The following CDH2 variants were observed in gnomAD, a reference collection of about 807,000 sequenced individuals.
CDH2 encodes cadherin-2.
CDH2 carries 17 observed loss-of-function variants against 92.0 expected under a neutral mutation model. That is an observed-to-expected ratio of 0.18 (90% CI 0.13 to 0.28). CDH2 has a LOEUF of 0.28. Ranked by LOEUF, CDH2 falls within the 10% of genes least tolerant of loss-of-function variation. CDH2 has a pLI of 1.00. For missense variants in CDH2, 862 were observed against 1,133.1 expected (o/e 0.76, Z 3.44); for synonymous variants, 419 against 415.9 (o/e 1.01, Z -0.09).
intron 7 of CDH2, among the ~76,000 whole-genome samples, chr18:27,997,827 G>C (rs1330190335): frequency 6.6e-6 from 1 of 151,098 alleles, no homozygotes; most frequent in African/African-American, 2.4e-5. Flanking sequence ...TTTTTTTTGA[G>C]ACTGAGTCTC....
At chr18:28,057,809 T>C (rs963004858) in intron 2 of CDH2, among the ~76,000 whole-genome samples, 1 of 152,228 alleles carries the variant, frequency 6.6e-6, no homozygotes, top group Non-Finnish European at 1.5e-5. Context: ...ATAAATCCAG[T>C]ATTAAGTGTA....
intron 7 of CDH2, among the ~76,000 whole-genome samples, chr18:27,997,902 G>C (rs957902425): frequency 1.3e-5 from 2 of 152,032 alleles, no homozygotes; most frequent in South Asian, 4.2e-4. Context: ...TGCCTCCCGG[G>C]TTCACGCCAT....
intron 2 of CDH2, among the ~76,000 whole-genome samples, chr18:28,058,330 A>C (rs1180971276): frequency 2.6e-5 from 4 of 152,170 alleles, no homozygotes; most frequent in Non-Finnish European, 5.9e-5. Context: ...CATGACAGAG[A>C]GAGACAGAGA....
At chr18:28,087,857 G>A (rs929460530) in intron 2 of CDH2, among the ~76,000 whole-genome samples, 6 of 152,044 alleles carry the variant, frequency 3.9e-5, no homozygotes, top group South Asian at 2.1e-4. Context: ...TTCATGATGG[G>A]AGCCCTGGGA....
intron 2 of CDH2, among the ~76,000 whole-genome samples, chr18:28,086,656 C>A (rs1170663597): frequency 6.6e-6 from 1 of 152,096 alleles, no homozygotes; most frequent in Non-Finnish European, 1.5e-5. Context: ...GCTTTTTGCT[C>A]ACACACAAGA....
At chr18:27,971,945 A>G (rs1196045562) in intron 14 of CDH2, among the ~76,000 whole-genome samples, 1 of 152,196 alleles carries the variant, frequency 6.6e-6, no homozygotes, top group Non-Finnish European at 1.5e-5. Context: ...TCATTCTCTA[A>G]CACTTAAAGT....
At chr18:28,094,895 A>G (rs1662735) in intron 2 of CDH2, among the ~76,000 whole-genome samples, 122,472 of 151,612 alleles carry the variant, frequency 0.81, 49,693 homozygotes, top group Admixed American at 0.83. Context: ...CAAGGATTCA[A>G]TGGGCCAGGC....
At chr18:27,988,315 C>T (rs1293926427) in intron 11 of CDH2, among the ~76,000 whole-genome samples, 2 of 152,244 alleles carry the variant, frequency 1.3e-5, no homozygotes, top group Non-Finnish European at 2.9e-5. Flanking sequence ...TCTACATGAA[C>T]GATGGATGGA....
chr18:28,171,353 T>C (rs938186417), intron 1 of CDH2, among the ~76,000 whole-genome samples: 1 of 152,054 alleles, frequency 6.6e-6, no homozygotes, highest in African/African-American at 2.4e-5. Flanking sequence ...CTGAAGGCTA[T>C]CTTCTCTCAA....
At chr18:28,090,015 T>G (rs2015006888) in intron 2 of CDH2, among the ~76,000 whole-genome samples, 2 of 152,216 alleles carry the variant, frequency 1.3e-5, no homozygotes, top group Admixed American at 6.5e-5. Context: ...GAAACTAAAG[T>G]GTAGTTAGCA....
chr18:28,176,424 G>A (rs1008378184), intron 1 of CDH2, among the ~76,000 whole-genome samples: 1 of 152,174 alleles, frequency 6.6e-6, no homozygotes, highest in South Asian at 2.1e-4. Context: ...ACTCCAGACT[G>A]GGATAAAGAC....
chr18:28,140,933 A>G (rs1013657090), intron 2 of CDH2, among the ~76,000 whole-genome samples: 3 of 150,698 alleles, frequency 2.0e-5, no homozygotes, highest in African/African-American at 7.3e-5. Flanking sequence ...TATAGGTATG[A>G]AATATCGTTA....
At chr18:28,112,323 C>T (rs1398069282) in intron 2 of CDH2, among the ~76,000 whole-genome samples, 2 of 152,140 alleles carry the variant, frequency 1.3e-5, no homozygotes, top group Non-Finnish European at 2.9e-5. Context: ...TTTTCACTGT[C>T]CTAAAATGGG....
chr18:28,011,838 C>T lies in CDH2; in HGVS notation c.546+8G>A, dbSNP rs1272586390. ...GGTATGAAAACAGTTAAAATTGTGC[C>T]ACCTTACCCTGACAAGCTCTTGAGG... On this transcript the variant is annotated splice_region_variant and intron_variant, in intron 4 of 15. Coordinates refer to ENST00000269141, the MANE Select transcript of CDH2 (RefSeq NM_001792.5). 4 of 1,610,740 alleles carry T rather than the reference C, an allele frequency of 2.5e-6. No homozygotes were observed. Among genetic ancestry groups the T allele is most frequent in the Non-Finnish European group, 3.4e-6 (4 of 1,178,850 alleles).
chr18:28,160,259 C>T (rs937752967), intron 1 of CDH2, among the ~76,000 whole-genome samples: 1 of 151,832 alleles, frequency 6.6e-6, no homozygotes, highest in African/African-American at 2.4e-5. Context: ...CAGTGGTGAA[C>T]AATTTGGGTG....
At chr18:27,977,515 GCTTTGTTTT>G (rs1274347717) in intron 14 of CDH2, among the ~76,000 whole-genome samples, 3 of 152,124 alleles carry the variant, frequency 2.0e-5, no homozygotes, top group African/African-American at 7.2e-5. Flanking sequence ...AGACTACTTT[GCTTTGTTTT>G]CTTTGTAATC....
In CDH2 at chr18:28,036,533, G is replaced by A. The variant is rs759019446; in HGVS notation, c.173-22624C>T. 23 of 1,605,628 alleles carry A rather than the reference G, an allele frequency of 1.4e-5. 1 individual carries two copies. The Admixed American group carries it at 2.2e-4, about 15-fold the overall frequency. On this transcript the variant is annotated intron_variant, in intron 2 of 15. Coordinates refer to ENST00000269141, the MANE Select transcript of CDH2 (RefSeq NM_001792.5). ...TTCTCAGTGAAGATACACACATAAC[G>A]CCTTAATAAAAACATGCCATCAAGT... is the stretch of plus-strand genomic sequence containing the variant.
chr18:28,011,754 A>G, intron 4 of CDH2, 92 bp downstream of exon 4: 3 of 1,287,318 alleles, frequency 2.3e-6, no homozygotes, highest in South Asian at 2.7e-5. Flanking sequence ...TATACATGTC[A>G]TAAATTCTAC....
chr18:28,074,194 C>A (rs1399961990), intron 2 of CDH2, among the ~76,000 whole-genome samples: 1 of 152,132 alleles, frequency 6.6e-6, no homozygotes, highest in Non-Finnish European at 1.5e-5. Context: ...ATGACACTCA[C>A]TTCTCAAGCA....
Sources: gnomAD v4.1 joint callset for allele counts (sites outside exome capture counted in the v4.1 genomes callset) on GRCh38, gnomAD v4.1.1 for gene constraint, MANE v1.5 for transcripts, NCBI Gene and HGNC (gene_info 2026-07-23, HGNC 2026-07-21) for gene names.